The following RYR2 variants were observed in gnomAD, a reference collection of about 807,000 sequenced individuals.
The protein encoded by RYR2 is ryanodine receptor 2.
Under a neutral mutation model 601.1 loss-of-function variants are expected in RYR2, and 227 were observed. The observed-to-expected ratio is 0.38, with a 90% CI of 0.34 to 0.42. The LOEUF (loss-of-function observed/expected upper bound fraction) is 0.42, where lower values mean the gene tolerates loss of function less well. Ranked by LOEUF, RYR2 falls within the 10% of genes least tolerant of loss-of-function variation. The probability of loss-of-function intolerance (pLI) is 1.00; values close to 1 mark genes in which losing one functional copy is unlikely to be tolerated. For synonymous variants in RYR2, 2,223 were observed against 2,175.1 expected (o/e 1.02, Z -0.61); for missense variants, 4,646 against 6,156.5 (o/e 0.75, Z 8.21).
chr1:237,573,749 T>C (rs1572930525), intron 29 of RYR2, among the ~76,000 whole-genome samples: 1 of 150,980 alleles, frequency 6.6e-6, no homozygotes. Context: ...GAGGTGGAGG[T>C]TGCAGTGAGC....
rs60885998 is a variant in RYR2 at position 237,626,580 on chromosome 1, C to CTTTT, written c.6166+804_6166+807dup. Among the ~76,000 whole-genome samples, 217 of 40,072 alleles carry CTTTT rather than the reference C, an allele frequency of 5.4e-3. 28 individuals carry two copies. The highest frequency in any genetic ancestry group is 0.024 in the Middle Eastern group (1 of 42). 26.3% of individuals were successfully genotyped at this position (40,072 alleles called of 152,430 possible). ...TTCTTTTCTTTTTCTTTTTCTTTTTCTTTTTTTTTTTTTTTTTTTTTTTTT... is the reference window on the plus strand; with the variant it reads ...TTCTTTTCTTTTTCTTTTTCTTTTTCTTTTTTTTTTTTTTTTTTTTTTTTTTTTT... On this transcript the variant is annotated intron_variant, in intron 40 of 104. Coordinates refer to ENST00000366574, the MANE Select transcript of RYR2 (RefSeq NM_001035.3).
intron 53 of RYR2, 116 bp downstream of exon 53, chr1:237,656,100 C>A: frequency 1.3e-6 from 1 of 795,248 alleles, no homozygotes; most frequent in Non-Finnish European, 1.9e-6. Context: ...AATTGGTATC[C>A]TTTTAATAGG....
intron 29 of RYR2, among the ~76,000 whole-genome samples, chr1:237,577,624 A>C (rs1247154602): frequency 3.9e-5 from 6 of 151,910 alleles, no homozygotes; most frequent in African/African-American, 7.3e-5. Context: ...AAATGACAGG[A>C]AAGTCAGGAA....
intron 33 of RYR2, among the ~76,000 whole-genome samples, chr1:237,594,910 T>TTTG (rs1559084215): frequency 2.3e-4 from 26 of 114,464 alleles, no homozygotes; most frequent in African/African-American, 8.3e-4. Context: ...TTTTTTTTTT[T>TTTG]TTTTTTTTTT....
intron 36 of RYR2, among the ~76,000 whole-genome samples, chr1:237,612,675 A>G (rs1048433917): frequency 3.9e-5 from 6 of 152,164 alleles, no homozygotes; most frequent in African/African-American, 1.4e-4. Context: ...CGAACAACCA[A>G]AACAAACACA....
At chr1:237,204,709 A>G (rs1182204256) in intron 1 of RYR2, among the ~76,000 whole-genome samples, 1 of 151,966 alleles carries the variant, frequency 6.6e-6, no homozygotes, top group Non-Finnish European at 1.5e-5. Flanking sequence ...TTACCTACTT[A>G]CTCTTATGTA....
At position 237,614,484 on chromosome 1, in the gene RYR2, A is replaced by T. The variant is rs1294863861; in HGVS notation, c.5356A>T (p.Ile1786Phe). Residue 1786 changes from isoleucine (I) to phenylalanine (F), a missense_variant, in exon 37 of 105, where the codon ATC (isoleucine) becomes TTC (phenylalanine). Coordinates refer to ENST00000366574, the MANE Select transcript of RYR2 (RefSeq NM_001035.3). This position sits in a 1 kb window ranked among gnomAD's most constrained non-coding sequence, Gnocchi z 4.3. The stretch of plus-strand genomic sequence containing the variant: ...GTACAGTCCAGAGTTCCCACTGGAC[A>T]TCCTCAAGTCCAAAACCATACAGAT... ...YQYSPEFPLD[I>F]LKSKTIQMLT... The T allele has an allele frequency of 5.6e-6, 9 of 1,613,952 alleles. No homozygotes were observed. The highest frequency in any genetic ancestry group is 7.6e-6 in the Non-Finnish European group (9 of 1,179,894).
intron 84 of RYR2, among the ~76,000 whole-genome samples, chr1:237,767,040 G>A (rs960871156): frequency 1.1e-5 from 1 of 90,570 alleles, no homozygotes; most frequent in Non-Finnish European, 2.6e-5. Flanking sequence ...AGACTTCAAA[G>A]CACTTTTAAT....
intron 66 of RYR2, among the ~76,000 whole-genome samples, chr1:237,702,764 A>G (rs778374752): frequency 3.3e-5 from 5 of 152,068 alleles, no homozygotes; most frequent in Non-Finnish European, 7.4e-5. Context: ...AGACTAGCCA[A>G]CGGAATTTGC....
intron 83 of RYR2, 132 bp downstream of exon 83, chr1:237,759,984 C>A: frequency 1.5e-6 from 1 of 661,508 alleles, no homozygotes; most frequent in Non-Finnish European, 2.7e-6. Flanking sequence ...GTGGGATAAT[C>A]GGCAGTGTCT....
chr1:237,365,164 G>A (rs1321854058), intron 5 of RYR2, among the ~76,000 whole-genome samples: 3 of 152,008 alleles, frequency 2.0e-5, no homozygotes, highest in Non-Finnish European at 4.4e-5. Context: ...ACAATGGGTA[G>A]GTAGAAAAAT....
At chr1:237,601,996 C>T in intron 34 of RYR2, 29 bp from the exon 35 acceptor site, 1 of 1,579,078 alleles carries the variant, frequency 6.3e-7, no homozygotes, top group Non-Finnish European at 8.7e-7. Flanking sequence ...TCATTACTAA[C>T]ATTATTAAAT....
intron 2 of RYR2, among the ~76,000 whole-genome samples, chr1:237,312,518 A>G (rs1015881310): frequency 2.6e-5 from 4 of 152,180 alleles, no homozygotes; most frequent in African/African-American, 7.2e-5. Flanking sequence ...CGAAGATGAC[A>G]TTTTTAACAA....
At chr1:237,781,707 CT>C in intron 89 of RYR2, 61 bp downstream of exon 89, 1 of 836,670 alleles carries the variant, frequency 1.2e-6, no homozygotes, top group Non-Finnish European at 1.9e-6. Flanking sequence ...TCAGCATGGG[CT>C]TATGGAATCA....
At chr1:237,729,717 TATG>T (rs1306349446) in intron 76 of RYR2, among the ~76,000 whole-genome samples, 1 of 152,170 alleles carries the variant, frequency 6.6e-6, no homozygotes, top group African/African-American at 2.4e-5. Flanking sequence ...GGCGGCCATT[TATG>T]ATAAGTAGTG....
At chr1:237,825,711 T>G (rs947658538) in intron 101 of RYR2, among the ~76,000 whole-genome samples, 5 of 152,090 alleles carry the variant, frequency 3.3e-5, no homozygotes, top group Non-Finnish European at 4.4e-5. Context: ...AAAGAAACTA[T>G]CATCAGAGTG....
At chr1:237,652,324 A>G (rs567927230) in intron 51 of RYR2, among the ~76,000 whole-genome samples, 3 of 152,316 alleles carry the variant, frequency 2.0e-5, no homozygotes, top group African/African-American at 4.8e-5. Context: ...GTCTCACTCT[A>G]TCTTACTGAG....
At chr1:237,560,804 A>C (rs1369053574) in intron 27 of RYR2, among the ~76,000 whole-genome samples, 2 of 152,176 alleles carry the variant, frequency 1.3e-5, no homozygotes, top group Non-Finnish European at 2.9e-5. Context: ...AAAGATTAAA[A>C]ATTGCTGTTT....
At chr1:237,596,581 GCA>G (rs1451653447) in intron 34 of RYR2, among the ~76,000 whole-genome samples, 1 of 152,146 alleles carries the variant, frequency 6.6e-6, no homozygotes, top group Non-Finnish European at 1.5e-5. Flanking sequence ...ATGGAGAAAG[GCA>G]CAGAAAACGT....
Sources: gnomAD v4.1 joint callset for allele counts (sites outside exome capture counted in the v4.1 genomes callset) on GRCh38, gnomAD v4.1.1 for gene constraint, Gnocchi (gnomAD v3.1) non-coding constraint, MANE v1.5 for transcripts, NCBI Gene and HGNC (gene_info 2026-07-23, HGNC 2026-07-21) for gene names.